Variants in RAB28 observed in about 807,000 individuals in gnomAD.
RAB28 encodes RAB28, member RAS oncogene family, also known as ras-related protein Rab-28.
A neutral mutation model predicts 31.7 loss-of-function variants in RAB28; 24 were observed. That is an observed-to-expected ratio of 0.76 (90% confidence interval 0.55 to 1.06). The LOEUF (loss-of-function observed/expected upper bound fraction) is 1.06, where lower values mean the gene tolerates loss of function less well. Among genes scored for constraint, RAB28 ranks in the 50% least tolerant of loss-of-function variants. The pLI is 0.00. For missense variants in RAB28, 254 were observed against 258.5 expected, an observed-to-expected ratio of 0.98 and a Z score of 0.12; for synonymous variants, 100 against 90.4, an observed-to-expected ratio of 1.11 and a Z score of -0.60.
intron 6 of RAB28, chr4:13,371,192 T>C: frequency 1.0e-6 from 1 of 985,354 alleles, no homozygotes. Context: ...TTCAGTTCTT[T>C]AGCAACAAGC....
chr4:13,393,869 A>AC (rs1729755980), intron 4 of RAB28, among the ~76,000 whole-genome samples: 1 of 151,866 alleles, frequency 6.6e-6, no homozygotes, highest in Non-Finnish European at 1.5e-5. Flanking sequence ...AAAAAAAAAA[A>AC]AAAAACAGTA....
At chr4:13,470,823 C>T (rs954098818) in intron 3 of RAB28, among the ~76,000 whole-genome samples, 2 of 152,044 alleles carry the variant, frequency 1.3e-5, no homozygotes, top group African/African-American at 4.8e-5. Flanking sequence ...TGTCAAAATA[C>T]CTCACTAATT....
At chr4:13,426,077 A>C (rs1713466984) in intron 4 of RAB28, among the ~76,000 whole-genome samples, 1 of 152,204 alleles carries the variant, frequency 6.6e-6, no homozygotes, top group Non-Finnish European at 1.5e-5. Flanking sequence ...TTACCATCAA[A>C]TTTATCTCTG....
chr4:13,455,190 C>T (rs1382579942), intron 4 of RAB28, among the ~76,000 whole-genome samples: 1 of 152,118 alleles, frequency 6.6e-6, no homozygotes. Context: ...CTGTGTCTGC[C>T]AGAAGTCACC....
At chr4:13,451,773 A>G (rs1239399438) in intron 4 of RAB28, among the ~76,000 whole-genome samples, 2 of 151,838 alleles carry the variant, frequency 1.3e-5, no homozygotes, top group Non-Finnish European at 3.0e-5. Context: ...GTATAGGGTG[A>G]GAGGTGAAGG....
chr4:13,429,648 A>T (rs888446991), intron 4 of RAB28, among the ~76,000 whole-genome samples: 10 of 152,222 alleles, frequency 6.6e-5, no homozygotes, highest in African/African-American at 2.2e-4. Context: ...AAATGAATAG[A>T]AAGACTCCTC....
At chr4:13,457,828 T>C (rs1715379324) in intron 4 of RAB28, among the ~76,000 whole-genome samples, 1 of 152,174 alleles carries the variant, frequency 6.6e-6, no homozygotes, top group Non-Finnish European at 1.5e-5. Flanking sequence ...TATAACATAA[T>C]GTATATAATT....
intron 4 of RAB28, among the ~76,000 whole-genome samples, chr4:13,431,988 G>A (rs902566417): frequency 2.0e-5 from 3 of 152,016 alleles, no homozygotes; most frequent in Non-Finnish European, 4.4e-5. Context: ...TCAAACTATG[G>A]ATTGCAAGGA....
intron 6 of RAB28, among the ~76,000 whole-genome samples, chr4:13,372,083 G>C (rs1467720562): frequency 6.6e-6 from 1 of 152,080 alleles, no homozygotes; most frequent in Non-Finnish European, 1.5e-5. Flanking sequence ...AACATACCCT[G>C]AAGGCTAAAA....
At chr4:13,455,767 G>A (rs1715270903) in intron 4 of RAB28, among the ~76,000 whole-genome samples, 1 of 152,214 alleles carries the variant, frequency 6.6e-6, no homozygotes, top group Non-Finnish European at 1.5e-5. Flanking sequence ...GTTTGTGGTG[G>A]CAATGGGGAC....
intron 1 of RAB28, among the ~76,000 whole-genome samples, chr4:13,480,113 TAATATA>T (rs1716544073): frequency 6.6e-6 from 1 of 151,748 alleles, no homozygotes; most frequent in South Asian, 2.1e-4. Context: ...TTTTTAAGAT[TAATATA>T]AAGCAGACAA....
chr4:13,382,573 T>C (rs531095163), intron 4 of RAB28, among the ~76,000 whole-genome samples: 1 of 152,218 alleles, frequency 6.6e-6, no homozygotes, highest in Admixed American at 6.5e-5. Flanking sequence ...AGACTTTATT[T>C]AAAATTATAT....
At chr4:13,453,540 G>A (rs73231512) in intron 4 of RAB28, among the ~76,000 whole-genome samples, 19 of 152,030 alleles carry the variant, frequency 1.2e-4, no homozygotes, top group Non-Finnish European at 2.1e-4. Flanking sequence ...CCAGTCTGGT[G>A]ACAATGAATT....
chr4:13,395,771 A>C (rs755702457), intron 4 of RAB28, among the ~76,000 whole-genome samples: 11 of 152,046 alleles, frequency 7.2e-5, no homozygotes, highest in Non-Finnish European at 1.2e-4. Context: ...GATCAGACTA[A>C]ATGTTATGAA....
At chr4:13,417,176 G>A (rs1398252210) in intron 4 of RAB28, among the ~76,000 whole-genome samples, 1 of 152,238 alleles carries the variant, frequency 6.6e-6, no homozygotes, top group African/African-American at 2.4e-5. Context: ...CAGCCGCCTG[G>A]CAGAGGGAGG....
chr4:13,459,876 A>G, intron 4 of RAB28: 16 of 1,289,318 alleles, frequency 1.2e-5, no homozygotes, highest in Non-Finnish European at 1.6e-5. Flanking sequence ...CAATATCATA[A>G]AATCTGCAGC....
At chr4:13,445,920 T>A (rs1714670395) in intron 4 of RAB28, among the ~76,000 whole-genome samples, 1 of 152,180 alleles carries the variant, frequency 6.6e-6, no homozygotes, top group African/African-American at 2.4e-5. Flanking sequence ...TCAGCCACTC[T>A]CTTCAAAGCC....
chr4:13,383,289 A>C (rs570988790), intron 4 of RAB28, among the ~76,000 whole-genome samples: 1 of 152,304 alleles, frequency 6.6e-6, no homozygotes, highest in East Asian at 1.9e-4. Context: ...TTAAAAAATA[A>C]ATAAATAAAA....
At chr4:13,429,771 C>G (rs1713708142) in intron 4 of RAB28, among the ~76,000 whole-genome samples, 1 of 152,144 alleles carries the variant, frequency 6.6e-6, no homozygotes, top group Non-Finnish European at 1.5e-5. Context: ...AGAAAAATAA[C>G]AAGCTGATCC....
Sources: allele counts gnomAD v4.1 joint callset (sites outside exome capture counted in the v4.1 genomes callset), GRCh38; gene constraint gnomAD v4.1.1; transcripts MANE v1.5; gene names NCBI Gene and HGNC (gene_info 2026-07-23, HGNC 2026-07-21).